The following DIPK1C variants were observed in gnomAD, a reference collection of about 807,000 sequenced individuals.
DIPK1C encodes familial non-conventional Alzheimer's dementia.
DIPK1C carries 33 observed loss-of-function variants against 28.0 expected under a neutral mutation model. That is an observed-to-expected ratio of 1.18 (90% confidence interval 0.89 to 1.58). The LOEUF (loss-of-function observed/expected upper bound fraction) is 1.58. Among genes scored for constraint, DIPK1C ranks in the 40% most tolerant of loss-of-function variants. The probability of loss-of-function intolerance (pLI) is 0.00; values close to 1 mark genes in which losing one functional copy is unlikely to be tolerated. For synonymous variants in DIPK1C, 255 were observed against 248.8 expected, an observed-to-expected ratio of 1.02 and a Z score of -0.23; for missense variants, 569 against 568.5, an observed-to-expected ratio of 1.00 and a Z score of -0.01.
At chr18:74,452,309 G>A (rs878917719) in intron 1 of DIPK1C, among the ~76,000 whole-genome samples, 4 of 151,976 alleles carry the variant, frequency 2.6e-5, no homozygotes, top group East Asian at 1.9e-4. Context: ...TGCAAAATTC[G>A]TCTCCCATGG....
chr18:74,458,866 G>T (rs759827317), upstream of DIPK1C, among the ~76,000 whole-genome samples: 13 of 151,898 alleles, frequency 8.6e-5, no homozygotes, highest in Admixed American at 2.0e-4. Context: ...GCTGGCTCAT[G>T]CCTGCAATCC....
chr18:74,454,442 A>G (rs1257079463), intron 1 of DIPK1C, among the ~76,000 whole-genome samples: 1 of 152,158 alleles, frequency 6.6e-6, no homozygotes, highest in Non-Finnish European at 1.5e-5. Context: ...GCCAGGCGAG[A>G]GCCTGGGAAC....
intron 1 of DIPK1C, among the ~76,000 whole-genome samples, chr18:74,455,742 G>A (rs199749506): frequency 4.5e-3 from 344 of 76,758 alleles, no homozygotes; most frequent in Middle Eastern, 0.013. Flanking sequence ...AAAAGAAAAA[G>A]AAAAAGAAAA....
At chr18:74,441,677 T>G (rs1986127396) in intron 3 of DIPK1C, among the ~76,000 whole-genome samples, 1 of 152,120 alleles carries the variant, frequency 6.6e-6, no homozygotes, top group African/African-American at 2.4e-5. Flanking sequence ...TGTAGATACG[T>G]GGGGTGGAGC....
intron 1 of DIPK1C, among the ~76,000 whole-genome samples, chr18:74,449,399 GC>G (rs1253393310): frequency 6.6e-6 from 1 of 152,194 alleles, no homozygotes; most frequent in Non-Finnish European, 1.5e-5. Flanking sequence ...GGGACTGGGG[GC>G]CTTTATAAAC....
upstream of DIPK1C, among the ~76,000 whole-genome samples, chr18:74,458,749 C>T (rs570013506): frequency 2.6e-4 from 39 of 151,634 alleles, no homozygotes; most frequent in Middle Eastern, 3.4e-3. Flanking sequence ...CATATTTTCA[C>T]AGGCTGGCTG....
In DIPK1C at chr18:74,436,550, C is replaced by A; in HGVS notation, c.1211G>T (p.Arg404Leu). Reference protein sequence around the residue: ...RAASSVFWKLRQLLQATLREL... With the variant: ...RAASSVFWKLLQLLQATLREL... Reference sequence around the variant, plus strand: ...CCTCAGTGTGGCTTGGAGGAGTTGGCGAAGCTTCCAGAACACGCTGGAGGC... The same window carrying A: ...CCTCAGTGTGGCTTGGAGGAGTTGGAGAAGCTTCCAGAACACGCTGGAGGC... Residue 404 changes from arginine to leucine, a missense_variant, in exon 4 of 4, where the codon CGC becomes CTC. Transcript: ENST00000343998. 2 of 1,605,668 alleles carry A rather than the reference C, an allele frequency of 1.2e-6. No individual in the cohort carries two copies. Among genetic ancestry groups the A allele is most frequent in the Non-Finnish European group, 1.7e-6 (2 of 1,177,334 alleles).
At chr18:74,449,746 T>C (rs1182974583) in intron 1 of DIPK1C, among the ~76,000 whole-genome samples, 1 of 152,210 alleles carries the variant, frequency 6.6e-6, no homozygotes, top group East Asian at 1.9e-4. Context: ...TTTATGTCTT[T>C]GGAAACCCAC....
At chr18:74,449,261 T>G (rs1442987323) in intron 1 of DIPK1C, among the ~76,000 whole-genome samples, 1 of 152,226 alleles carries the variant, frequency 6.6e-6, no homozygotes, top group Admixed American at 6.5e-5. Context: ...TACATTTTGC[T>G]GTAGAATTAT....
At chr18:74,461,949 A>G (rs1409543618), upstream of DIPK1C, among the ~76,000 whole-genome samples, 1 of 148,232 alleles carries the variant, frequency 6.7e-6, no homozygotes, top group Non-Finnish European at 1.5e-5. Flanking sequence ...TTTGGTAGAG[A>G]TGGAGTCTTG....
In DIPK1C at chr18:74,457,290, G is replaced by T. The variant is rs1203702150; in HGVS notation, c.-31C>A. On this transcript the variant is annotated 5_prime_UTR_variant, in exon 1 of 4. Coordinates refer to ENST00000343998, the MANE Select transcript of DIPK1C (RefSeq NM_001044369.3). Reference sequence around the variant, plus strand: ...GCCCTGCCCGCGCCCGGGCCCCACCGCCGCCCGCGCCCCGAGTTCCGCACT... The same window carrying T: ...GCCCTGCCCGCGCCCGGGCCCCACCTCCGCCCGCGCCCCGAGTTCCGCACT... The T allele has an allele frequency of 1.0e-6, 1 of 982,212 alleles. No individual in the cohort carries two copies. Among genetic ancestry groups the T allele is most frequent in the South Asian group, 4.5e-5 (1 of 22,064 alleles). The allele number at this position is 982,212 out of a possible 1,614,324, so 60.8% of individuals were successfully genotyped here.
intron 1 of DIPK1C, among the ~76,000 whole-genome samples, chr18:74,456,220 GC>G (rs1161973410): frequency 2.0e-5 from 3 of 152,218 alleles, no homozygotes; most frequent in Non-Finnish European, 2.9e-5. Flanking sequence ...AGTCTCCTTT[GC>G]GCCTGAAAGA....
At chr18:74,460,626 C>G (rs1157152714), upstream of DIPK1C, among the ~76,000 whole-genome samples, 4 of 152,234 alleles carry the variant, frequency 2.6e-5, no homozygotes, top group Non-Finnish European at 5.9e-5. Context: ...CTCCGCCGCT[C>G]TGGTCTCTGC....
At chr18:74,439,071 T>C (rs778112801) in intron 3 of DIPK1C, among the ~76,000 whole-genome samples, 84 of 145,018 alleles carry the variant, frequency 5.8e-4, no homozygotes, top group Non-Finnish European at 9.6e-4. Flanking sequence ...AATTTGCTCC[T>C]TTTTTTTGTA....
rs972759697 is a variant in DIPK1C, at chr18:74,455,420, CA to C, written c.198+1641del. Among the ~76,000 whole-genome samples, 66 of 151,894 alleles carry C rather than the reference CA, an allele frequency of 4.3e-4. 1 individual carries two copies. The highest frequency in any genetic ancestry group is 1.6e-3 in the African/African-American group (65 of 41,416). ...CACTCCCTTCACAAAAAAAGAAAAC[CA>C]GGGGGGAAAAATTTATAAATGAAAA... On this transcript the variant is annotated intron_variant, in intron 1 of 3. Coordinates refer to ENST00000343998, the MANE Select transcript of DIPK1C (RefSeq NM_001044369.3).
intron 2 of DIPK1C, 77 bp from the exon 3 acceptor site, chr18:74,442,193 G>A (rs1013727): frequency 0.35 from 538,767 of 1,547,016 alleles, 96,399 homozygotes; most frequent in Middle Eastern, 0.37. Context: ...CACAACTTCT[G>A]TTCACCTCGT....
upstream of DIPK1C, among the ~76,000 whole-genome samples, chr18:74,459,336 T>C (rs1465880633): frequency 6.6e-6 from 1 of 152,234 alleles, no homozygotes; most frequent in Non-Finnish European, 1.5e-5. Context: ...TAAAAATCCG[T>C]TATGAAGCCC....
Position 74,447,154 on chromosome 18 carries a change from C to A in DIPK1C, c.328G>T (p.Gly110Cys). The A allele has an allele frequency of 6.4e-7, 1 of 1,550,566 alleles. No individual in the cohort carries two copies. Among genetic ancestry groups the A allele is most frequent in the Non-Finnish European group, 8.7e-7 (1 of 1,146,994 alleles). Residue 110 changes from glycine to cysteine, a missense_variant, in exon 2 of 4, where the codon GGC (glycine) becomes TGC (cysteine). By Grantham distance (159) the Gly-to-Cys change is radical. Coordinates refer to ENST00000343998, the MANE Select transcript of DIPK1C (RefSeq NM_001044369.3). This position sits in a 1 kb window ranked among gnomAD's most constrained non-coding sequence, Gnocchi z 4.1. Reference sequence around the variant, plus strand: ...TTGGACTTGAGGACCACGGGCCGGCCGCGCCAGTCGGCCTGCAGCACCTTC... The same window carrying A: ...TTGGACTTGAGGACCACGGGCCGGCAGCGCCAGTCGGCCTGCAGCACCTTC... Reference protein sequence around the residue: ...GKKVLQADWRGRPVVLKSKEE... With the variant: ...GKKVLQADWRCRPVVLKSKEE...
the DIPK1C span, among the ~76,000 whole-genome samples, chr18:74,463,694 G>A: frequency 6.6e-6 from 1 of 152,148 alleles, no homozygotes; most frequent in Admixed American, 6.5e-5. Context: ...GTGCTGTTTG[G>A]CTTTGGAACT....
Sources: allele counts gnomAD v4.1 joint callset (sites outside exome capture counted in the v4.1 genomes callset), GRCh38; gene constraint gnomAD v4.1.1; non-coding constraint Gnocchi (gnomAD v3.1); transcripts MANE v1.5; gene names NCBI Gene and HGNC (gene_info 2026-07-23, HGNC 2026-07-21).